The following SAE1 variants were observed in gnomAD, a reference collection of about 807,000 sequenced individuals.
The protein encoded by SAE1 is SUMO1 activating enzyme subunit 1, also known as SUMO-activating enzyme subunit 1.
A neutral mutation model predicts 40.6 loss-of-function variants in SAE1; 11 were observed. The observed-to-expected ratio is 0.27, with a 90% CI of 0.17 to 0.45. The LOEUF (loss-of-function observed/expected upper bound fraction) is 0.45. SAE1 is among the 20% of genes least tolerant of loss of function. The pLI, the probability that SAE1 is intolerant of heterozygous loss-of-function variation, is 1.00. For missense variants in SAE1, 373 were observed against 427.3 expected, an observed-to-expected ratio of 0.87 and a Z score of 1.12; for synonymous variants, 155 against 154.3, an observed-to-expected ratio of 1.00 and a Z score of -0.03.
At chr19:47,152,567 C>G (rs1242414427) in intron 3 of SAE1, among the ~76,000 whole-genome samples, 4 of 152,130 alleles carry the variant, frequency 2.6e-5, no homozygotes, top group East Asian at 3.8e-4. Flanking sequence ...ATAGAAACAA[C>G]TTGCTAAGTT....
chr19:47,145,085 C>G (rs979452133), intron 2 of SAE1, among the ~76,000 whole-genome samples: 2 of 152,100 alleles, frequency 1.3e-5, no homozygotes, highest in Non-Finnish European at 2.9e-5. Flanking sequence ...TCACTGCAAC[C>G]TCTGCCTCCC....
chr19:47,194,199 G>A (rs2058598761), intron 6 of SAE1, among the ~76,000 whole-genome samples: 2 of 152,172 alleles, frequency 1.3e-5, no homozygotes, highest in African/African-American at 2.4e-5. Flanking sequence ...ACCCAGGTCT[G>A]TCTGGCACAA....
intron 6 of SAE1, among the ~76,000 whole-genome samples, chr19:47,193,589 A>T (rs1451586587): frequency 6.6e-6 from 1 of 151,464 alleles, no homozygotes; most frequent in African/African-American, 2.4e-5. Context: ...TGGGGGGCCA[A>T]GGTGGGAGGA....
At position 47,138,523 on chromosome 19, in the gene SAE1, G is replaced by A. The variant is rs80000027; in HGVS notation, c.99-4971G>A. The stretch of plus-strand genomic sequence containing the variant: ...GCCATTATTATTTTATTATGTACCA[G>A]ATTTCTATAATTCTGCTGATGGACA... On this transcript the variant is annotated intron_variant, in intron 1 of 8. Coordinates refer to ENST00000270225, the MANE Select transcript of SAE1 (RefSeq NM_005500.3). Among the ~76,000 whole-genome samples, 646 of 152,314 alleles carry A rather than the reference G, an allele frequency of 4.2e-3. 6 individuals are homozygous for A. The highest frequency in any genetic ancestry group is 0.015 in the African/African-American group (612 of 41,576).
At position 47,209,660 on chromosome 19, in the gene SAE1, T is replaced by C. The variant is rs972560766; in HGVS notation, c.*409T>C. The C allele has an allele frequency of 4.2e-4, 91 of 217,624 alleles. No individual in the cohort carries two copies. Among genetic ancestry groups the C allele is most frequent in the African/African-American group, 2.0e-3 (86 of 43,578 alleles). 13.5% of individuals were successfully genotyped at this position (217,624 alleles called of 1,614,324 possible). ...GCCTCTTGTCACCTTCTTGGACTTA[T>C]TCCCCACCTGATACCTTATAGAGAA... On this transcript the variant is annotated 3_prime_UTR_variant, in exon 9 of 9. Transcript: ENST00000270225.
chr19:47,175,262 T>TA (rs1219531192), intron 6 of SAE1, among the ~76,000 whole-genome samples: 1 of 152,084 alleles, frequency 6.6e-6, no homozygotes, highest in Admixed American at 6.6e-5. Flanking sequence ...CCTAAGTTGA[T>TA]ATATTTTCTC....
intron 8 of SAE1, among the ~76,000 whole-genome samples, chr19:47,206,709 G>T (rs2058688367): frequency 6.6e-6 from 1 of 152,144 alleles, no homozygotes; most frequent in South Asian, 2.1e-4. Context: ...TTCCACCTGT[G>T]TACTGTTGGA....
intron 2 of SAE1, among the ~76,000 whole-genome samples, chr19:47,148,758 G>A (rs2123204307): frequency 6.6e-6 from 1 of 151,786 alleles, no homozygotes; most frequent in East Asian, 1.9e-4. Flanking sequence ...GGAATTACAG[G>A]CGTGTGCCAC....
intron 7 of SAE1, 60 bp from the exon 8 acceptor site, chr19:47,203,611 G>C: frequency 4.0e-6 from 6 of 1,495,550 alleles, no homozygotes; most frequent in Non-Finnish European, 4.7e-6. Flanking sequence ...AATTTCTCCA[G>C]ATGTCATGGT....
intron 5 of SAE1, 21 bp downstream of exon 5, chr19:47,155,234 G>A (rs747424932): frequency 1.3e-6 from 2 of 1,543,788 alleles, no homozygotes; most frequent in East Asian, 4.5e-5. Flanking sequence ...CGTGGGGGCA[G>A]AGGTCAGAAA....
At chr19:47,168,297 A>G (rs1389197085) in intron 5 of SAE1, among the ~76,000 whole-genome samples, 2 of 152,012 alleles carry the variant, frequency 1.3e-5, no homozygotes, top group East Asian at 3.9e-4. Context: ...GTCATTTCCA[A>G]ATATTTCAGT....
intron 6 of SAE1, among the ~76,000 whole-genome samples, chr19:47,182,582 C>T (rs2058516638): frequency 6.6e-6 from 1 of 151,692 alleles, no homozygotes; most frequent in African/African-American, 2.4e-5. Flanking sequence ...AAGAAGGCAC[C>T]ACCATGGAAA....
intron 1 of SAE1, among the ~76,000 whole-genome samples, chr19:47,133,575 A>C (rs575039145): frequency 3.0e-4 from 46 of 152,194 alleles, no homozygotes; most frequent in Non-Finnish European, 6.8e-4. Context: ...AGTGGTCAGA[A>C]ATGGAAGTAA....
chr19:47,204,695 A>G (rs2058676899), intron 8 of SAE1, among the ~76,000 whole-genome samples: 1 of 150,744 alleles, frequency 6.6e-6, no homozygotes, highest in African/African-American at 2.4e-5. Context: ...TTAGTAGTTC[A>G]CCATATTGGC....
intron 5 of SAE1, among the ~76,000 whole-genome samples, chr19:47,161,959 G>A (rs1475336399): frequency 6.6e-6 from 1 of 152,160 alleles, no homozygotes; most frequent in Admixed American, 6.6e-5. Context: ...CATTTTGGTA[G>A]CCACTAGCCA....
At chr19:47,153,641 C>T (rs1236676625) in intron 4 of SAE1, among the ~76,000 whole-genome samples, 2 of 152,234 alleles carry the variant, frequency 1.3e-5, no homozygotes, top group South Asian at 2.1e-4. Context: ...TCTTGTTCAG[C>T]CTCTCAGGCA....
intron 5 of SAE1, among the ~76,000 whole-genome samples, chr19:47,160,694 C>G (rs1477175729): frequency 1.3e-5 from 2 of 151,686 alleles, no homozygotes; most frequent in Non-Finnish European, 2.9e-5. Flanking sequence ...CGTGCCCAGC[C>G]TAATTTTTGT....
At position 47,174,460 on chromosome 19, in the gene SAE1, G is replaced by A. The variant is rs189326702; in HGVS notation, c.733+4537G>A. 3.6e-3 allele frequency among the ~76,000 whole-genome samples: 540 copies of A among 150,704 alleles called. 5 individuals carry two copies. The highest frequency in any genetic ancestry group is 0.021 in the Middle Eastern group (6 of 286). On this transcript the variant is annotated intron_variant, in intron 6 of 8. Transcript: ENST00000270225. ...TGACCAGGCTGGAGTGCAATGGTGC[G>A]ATCTCGGTTCACCACAACCTCCACC...
intron 6 of SAE1, among the ~76,000 whole-genome samples, chr19:47,194,743 C>T (rs2055696749): frequency 6.9e-6 from 1 of 145,776 alleles, no homozygotes; most frequent in African/African-American, 2.6e-5. Context: ...GTATGTTAAT[C>T]AGTCTTTTTT....
Sources: allele counts gnomAD v4.1 joint callset (sites outside exome capture counted in the v4.1 genomes callset), GRCh38; gene constraint gnomAD v4.1.1; transcripts MANE v1.5; gene names NCBI Gene and HGNC (gene_info 2026-07-23, HGNC 2026-07-21).